The following RAG1 variants were observed in gnomAD, a reference collection of about 807,000 sequenced individuals.
RAG1 encodes the protein recombination activating 1.
A neutral mutation model predicts 62.7 loss-of-function variants in RAG1; 35 were observed. The ratio of observed to expected loss-of-function variants is 0.56; its 90% confidence interval spans 0.43 to 0.74. The LOEUF (loss-of-function observed/expected upper bound fraction) is 0.74, where lower values mean the gene tolerates loss of function less well. Among genes scored for constraint, RAG1 ranks in the 30% least tolerant of loss-of-function variants. The pLI is 0.00. For synonymous variants in RAG1, 461 were observed against 470.3 expected (o/e 0.98, Z 0.26); for missense variants, 1,169 against 1,278.6 (o/e 0.91, Z 1.31).
upstream of RAG1, chr11:36,510,410 C>G (rs1475901700): frequency 6.6e-6 from 1 of 152,560 alleles, no homozygotes; most frequent in Non-Finnish European, 1.5e-5. Flanking sequence ...CGCAGCCTGG[C>G]TTTCTTCCTG....
intron 3 of RAG1, among the ~76,000 whole-genome samples, chr11:36,547,816 C>T (rs1335570969): frequency 6.6e-6 from 1 of 152,004 alleles, no homozygotes; most frequent in African/African-American, 2.4e-5. Context: ...GACAGAGACT[C>T]AACAAAAAAA....
chr11:36,545,791 A>G (rs1351405954), intron 3 of RAG1, among the ~76,000 whole-genome samples: 1 of 152,234 alleles, frequency 6.6e-6, no homozygotes, highest in Non-Finnish European at 1.5e-5. Flanking sequence ...AGATTCTGGT[A>G]CGTTGTGTCT....
intron 2 of RAG1, among the ~76,000 whole-genome samples, chr11:36,523,931 TC>T (rs1860119758): frequency 6.6e-6 from 1 of 152,210 alleles, no homozygotes; most frequent in Admixed American, 6.5e-5. Flanking sequence ...CCAGGATCCA[TC>T]CGTCATGTTG....
At chr11:36,551,619 T>A (rs1027981370) in intron 3 of RAG1, among the ~76,000 whole-genome samples, 5 of 137,900 alleles carry the variant, frequency 3.6e-5, no homozygotes, top group East Asian at 2.1e-4. Flanking sequence ...TTTTTTTTTT[T>A]ATTATACTCT....
At chr11:36,523,550 A>G (rs765399924) in intron 2 of RAG1, among the ~76,000 whole-genome samples, 7 of 152,218 alleles carry the variant, frequency 4.6e-5, no homozygotes, top group Non-Finnish European at 8.8e-5. Context: ...AGAGTTTTCT[A>G]TATAACTATA....
At chr11:36,548,588 G>C (rs542509452) in intron 3 of RAG1, among the ~76,000 whole-genome samples, 45 of 152,212 alleles carry the variant, frequency 3.0e-4, no homozygotes, top group Admixed American at 2.0e-3. Flanking sequence ...CCTCTTCAAG[G>C]AGAACTACAA....
At chr11:36,565,850 A>G (rs1285590474), upstream of RAG1, 1 of 152,198 alleles carries the variant, frequency 6.6e-6, no homozygotes, top group East Asian at 1.9e-4. Flanking sequence ...AGAAATTGGG[A>G]GGTGAAATTG....
At chr11:36,512,651 A>C (rs1859942057) in intron 1 of RAG1, among the ~76,000 whole-genome samples, 1 of 152,212 alleles carries the variant, frequency 6.6e-6, no homozygotes, top group Non-Finnish European at 1.5e-5. Context: ...GATACCTTGC[A>C]AACTAGGAAG....
chr11:36,562,883 A>G (rs894285088), intron 3 of RAG1, among the ~76,000 whole-genome samples: 7 of 152,064 alleles, frequency 4.6e-5, no homozygotes, highest in African/African-American at 7.2e-5. Flanking sequence ...GGACTTCTCA[A>G]TCTCCATAAT....
intron 3 of RAG1, among the ~76,000 whole-genome samples, chr11:36,551,000 AT>A (rs910296661): frequency 3.9e-5 from 6 of 152,236 alleles, no homozygotes; most frequent in African/African-American, 1.4e-4. Context: ...CAGATTTACT[AT>A]GAAAGAGGAG....
At position 36,574,514 on chromosome 11, in the gene RAG1, C is replaced by A; in HGVS notation, c.1210C>A (p.Arg404=). 1.2e-6 allele frequency: 2 copies of A among 1,614,218 alleles called. No homozygotes were observed. Among genetic ancestry groups the A allele is most frequent in the Non-Finnish European group, 8.5e-7 (1 of 1,180,042 alleles). Residue 404 remains arginine (R), a synonymous_variant, in exon 2 of 2, where the codon CGG becomes AGG. Coordinates refer to ENST00000299440, the MANE Select transcript of RAG1 (RefSeq NM_000448.3). ...RPRQHLLSLT[R]RAQKHRLREL... Reference sequence around the variant, plus strand: ...CCGCCAACATCTTCTGTCGCTGACTCGGAGAGCTCAGAAGCACCGGCTGAG... The same window carrying A: ...CCGCCAACATCTTCTGTCGCTGACTAGGAGAGCTCAGAAGCACCGGCTGAG...
At chr11:36,528,330 T>G (rs1226957177) in intron 2 of RAG1, among the ~76,000 whole-genome samples, 1 of 152,112 alleles carries the variant, frequency 6.6e-6, no homozygotes, top group Non-Finnish European at 1.5e-5. Context: ...GAACTCAGAA[T>G]TAAGAAACTC....
chr11:36,549,341 A>G (rs946189701), intron 3 of RAG1, among the ~76,000 whole-genome samples: 1 of 152,132 alleles, frequency 6.6e-6, no homozygotes, highest in African/African-American at 2.4e-5. Context: ...CAGGCAACCT[A>G]TGGAATGGGA....
At chr11:36,542,347 G>A (rs1850318417) in intron 3 of RAG1, among the ~76,000 whole-genome samples, 1 of 152,166 alleles carries the variant, frequency 6.6e-6, no homozygotes, top group Middle Eastern at 3.2e-3. Context: ...TTGTACACAG[G>A]GTAACATAGA....
At chr11:36,517,886 G>A (rs984293122) in intron 1 of RAG1, among the ~76,000 whole-genome samples, 18 of 151,886 alleles carry the variant, frequency 1.2e-4, no homozygotes, top group South Asian at 6.3e-4. Flanking sequence ...TGTGCACAAC[G>A]TGCAGGTTTG....
At chr11:36,521,565 G>A (rs1590662151) in intron 2 of RAG1, among the ~76,000 whole-genome samples, 1 of 152,136 alleles carries the variant, frequency 6.6e-6, no homozygotes, top group East Asian at 1.9e-4. Context: ...TATCAGCAGT[G>A]TGAAAAAGGA....
At chr11:36,557,756 C>G (rs1850525024) in intron 3 of RAG1, among the ~76,000 whole-genome samples, 1 of 152,098 alleles carries the variant, frequency 6.6e-6, no homozygotes, top group African/African-American at 2.4e-5. Context: ...AATAATGAAC[C>G]CTCTCACTTT....
chr11:36,575,485 C>T lies in RAG1; in HGVS notation c.2181C>T (p.Val727=), dbSNP rs148763154. 6.2e-7 allele frequency: 1 copy of T among 1,614,162 alleles called. No individual in the cohort carries two copies. The highest frequency in any genetic ancestry group is 1.1e-5 in the South Asian group (1 of 91,072). ...AAGGCCTCGAGGCTTCTGGCTCAGTCTACATTTGTACTCTTTGTGATGCCA... is the reference window on the plus strand; with the variant it reads ...AAGGCCTCGAGGCTTCTGGCTCAGTTTACATTTGTACTCTTTGTGATGCCA... ...EVEGLEASGS[V]YICTLCDATR... Residue 727 remains valine, a synonymous_variant, in exon 2 of 2, where the codon GTC becomes GTT. Transcript: ENST00000299440. The surrounding 1 kb of genome is among the most constrained non-coding windows in gnomAD (Gnocchi z 4.1).
At chr11:36,537,540 T>G (rs1364869587), downstream of RAG1, among the ~76,000 whole-genome samples, 2 of 152,218 alleles carry the variant, frequency 1.3e-5, no homozygotes, top group Non-Finnish European at 2.9e-5. Context: ...CATTTTATAT[T>G]ATCATACTTC....
Sources: allele counts gnomAD v4.1 joint callset (sites outside exome capture counted in the v4.1 genomes callset), GRCh38; gene constraint gnomAD v4.1.1; non-coding constraint Gnocchi (gnomAD v3.1); transcripts MANE v1.5; gene names NCBI Gene and HGNC (gene_info 2026-07-23, HGNC 2026-07-21).